The following NOMO1 variants were observed in gnomAD, a reference collection of about 807,000 sequenced individuals.
NOMO1 encodes the protein NODAL modulator 1, also known as nodal modulator 3.
In NOMO1, 40 loss-of-function variants were observed where a neutral mutation model predicts 133.8. That is an observed-to-expected ratio of 0.30 (90% confidence interval 0.23 to 0.39). The LOEUF (loss-of-function observed/expected upper bound fraction) is 0.39, where lower values mean the gene tolerates loss of function less well. Among genes scored for constraint, NOMO1 ranks in the 10% least tolerant of loss-of-function variants. The probability of loss-of-function intolerance (pLI) is 1.00; values close to 1 mark genes in which losing one functional copy is unlikely to be tolerated. For synonymous variants in NOMO1, 236 were observed against 570.5 expected (o/e 0.41, Z 8.36); for missense variants, 462 against 1,419.9 (o/e 0.33, Z 10.84).
intron 18 of NOMO1, among the ~76,000 whole-genome samples, chr16:14,874,231 A>C (rs1259317080): frequency 6.6e-6 from 1 of 151,788 alleles, no homozygotes; most frequent in Non-Finnish European, 1.5e-5. Context: ...TGAAAACTCC[A>C]GTGGCTCCAG....
intron 16 of NOMO1, among the ~76,000 whole-genome samples, chr16:14,870,409 T>C (rs2151004223): frequency 6.6e-6 from 1 of 151,686 alleles, no homozygotes; most frequent in Middle Eastern, 3.4e-3. Flanking sequence ...GCTACTTGTC[T>C]GTATTATTGG....
At position 14,875,064 on chromosome 16, in the gene NOMO1, G is replaced by T; in HGVS notation, c.2083G>T (p.Val695Phe). The change falls in exon 19 of 31, where the codon GTC becomes TTC. Residue 695 changes from valine (V) to phenylalanine (F), a missense_variant. Coordinates refer to ENST00000287667, the MANE Select transcript of NOMO1 (RefSeq NM_014287.4). Reference sequence around the variant, plus strand: ...TTCCATCGACAGTGAACCCGCCTTGGTCTTAGGCCCTCTGAAGTCTGTGCA... The same window carrying T: ...TTCCATCGACAGTGAACCCGCCTTGTTCTTAGGCCCTCTGAAGTCTGTGCA... Reference protein sequence around the residue: ...KSSIDSEPALVLGPLKSVQEL... With the variant: ...KSSIDSEPALFLGPLKSVQEL... 6.2e-7 allele frequency: 1 copy of T among 1,613,812 alleles called. No homozygotes were observed. The highest frequency in any genetic ancestry group is 1.1e-5 in the South Asian group (1 of 91,066).
chr16:14,859,596 A>C (rs60768782), intron 11 of NOMO1, among the ~76,000 whole-genome samples: 27 of 152,088 alleles, frequency 1.8e-4, no homozygotes, highest in South Asian at 6.2e-4. Flanking sequence ...GGGCGGATCG[A>C]TTGAGCCCAG....
At chr16:14,879,199 C>T (rs1964207148) in intron 23 of NOMO1, among the ~76,000 whole-genome samples, 1 of 151,706 alleles carries the variant, frequency 6.6e-6, no homozygotes. Flanking sequence ...AAAAGACATT[C>T]CACTTGGTGG....
chr16:14,887,248 T>G (rs1482857655), intron 28 of NOMO1, among the ~76,000 whole-genome samples: 1 of 152,014 alleles, frequency 6.6e-6, no homozygotes, highest in Non-Finnish European at 1.5e-5. Flanking sequence ...TAATCCGTGC[T>G]TTTCAATGAA....
chr16:14,857,195 C>A (rs769609754), intron 9 of NOMO1, 22 bp from the exon 10 acceptor site: 2 of 1,608,288 alleles, frequency 1.2e-6, no homozygotes, highest in Non-Finnish European at 1.7e-6. Context: ...CGAGCACCTT[C>A]TTCTTGTTCT....
chr16:14,891,405 C>T (rs1964403596), intron 29 of NOMO1, among the ~76,000 whole-genome samples: 2 of 151,708 alleles, frequency 1.3e-5, no homozygotes, highest in Non-Finnish European at 2.9e-5. Context: ...TATCTTTTCA[C>T]TTGGTTTCTG....
Position 14,864,675 on chromosome 16 carries a change from G to A in NOMO1, c.1486G>A (p.Val496Met). ...TGTGACCAACAGGCCCATGATGGAT[G>A]TGGCCTTTGTACAGTTCTTGGCATC... is the stretch of plus-strand genomic sequence containing the variant. ...LTVTNRPMMDVAFVQFLASVS... is the reference protein window; with the variant it reads ...LTVTNRPMMDMAFVQFLASVS... The change falls in exon 13 of 31, where the codon GTG (valine) becomes ATG (methionine). Residue 496 changes from valine (V) to methionine (M), a missense_variant. Physicochemically the swap from Val to Met is conservative, Grantham distance 21. Transcript: ENST00000287667. The A allele has an allele frequency of 1.2e-6, 2 of 1,613,072 alleles. 1 individual carries two copies. The highest frequency in any genetic ancestry group is 1.7e-6 in the Non-Finnish European group (2 of 1,179,696).
At chr16:14,845,633 C>A (rs564766480) in intron 4 of NOMO1, among the ~76,000 whole-genome samples, 1 of 151,848 alleles carries the variant, frequency 6.6e-6, no homozygotes, top group Non-Finnish European at 1.5e-5. Context: ...CCTGTGCCTG[C>A]GGTTGAGATG....
chr16:14,887,043 A>G (rs1036744951), intron 28 of NOMO1, among the ~76,000 whole-genome samples, 181 bp downstream of exon 28: 2 of 152,118 alleles, frequency 1.3e-5, no homozygotes, highest in Non-Finnish European at 2.9e-5. Context: ...TCTGTTTACA[A>G]AAAGAATACA....
At chr16:14,845,719 T>C (rs1963670176) in intron 4 of NOMO1, among the ~76,000 whole-genome samples, 2 of 151,886 alleles carry the variant, frequency 1.3e-5, no homozygotes, top group South Asian at 4.2e-4. Context: ...GGGAGGCCCT[T>C]CCATCCCAGC....
At chr16:14,887,832 G>GA (rs1034094842) in intron 28 of NOMO1, among the ~76,000 whole-genome samples, 4 of 151,784 alleles carry the variant, frequency 2.6e-5, no homozygotes, top group African/African-American at 9.7e-5. Flanking sequence ...CATGATGGGG[G>GA]ATCCCTTGAA....
At chr16:14,877,633 C>T (rs1166663691) in intron 22 of NOMO1, among the ~76,000 whole-genome samples, 1 of 151,928 alleles carries the variant, frequency 6.6e-6, no homozygotes, top group Non-Finnish European at 1.5e-5. Flanking sequence ...ATGCAAGTAA[C>T]GCAGGTGACT....
intron 11 of NOMO1, among the ~76,000 whole-genome samples, chr16:14,860,677 C>T (rs912270489): frequency 6.6e-6 from 1 of 151,820 alleles, no homozygotes; most frequent in African/African-American, 2.4e-5. Context: ...TAGATGGAGG[C>T]GGCGCTGTTC....
intron 1 of NOMO1, among the ~76,000 whole-genome samples, chr16:14,836,150 G>A (rs1963504512): frequency 6.6e-6 from 1 of 152,076 alleles, no homozygotes; most frequent in Admixed American, 6.6e-5. Flanking sequence ...AATCCTTTTG[G>A]ATGAATGTCC....
In NOMO1 at chr16:14,863,070, GAATAAAT is replaced by G. The variant is rs1963943520; in HGVS notation, c.1280_1286del (p.Asn427ThrfsTer38). The G allele has an allele frequency of 6.2e-7, 1 of 1,610,656 alleles. No homozygotes were observed. Among genetic ancestry groups the G allele is most frequent in the South Asian group, 1.1e-5 (1 of 90,908 alleles). On this transcript the variant is annotated frameshift_variant, in exon 12 of 31. Transcript: ENST00000287667. LOFTEE classifies it high-confidence loss of function. ...GCTTCCCCGACACCGTCAAGCAGATGAATAAATACAAAGTTGTCCTGTCATCTCAAGA... is the reference window on the plus strand; with the variant it reads ...GCTTCCCCGACACCGTCAAGCAGATGACAAAGTTGTCCTGTCATCTCAAGA...
chr16:14,875,522 T>C (rs1283024372), intron 20 of NOMO1, 100 bp downstream of exon 20: 1 of 704,016 alleles, frequency 1.4e-6, no homozygotes, highest in Non-Finnish European at 2.4e-6. Flanking sequence ...GAAGCCATCT[T>C]TGTAAGCCAC....
At position 14,878,780 on chromosome 16, in the gene NOMO1, G is replaced by A. The variant is rs754186319; in HGVS notation, c.2703G>A (p.Leu901=). The A allele has an allele frequency of 6.2e-7, 1 of 1,611,854 alleles. No homozygotes were observed. Among genetic ancestry groups the A allele is most frequent in the Admixed American group, 1.7e-5 (1 of 60,010 alleles). ...TCCTCTTATCCCTGAGCGGTGGCCTGTTTCGTTCCAACCTCTTGACCCAGG... is the reference window on the plus strand; with the variant it reads ...TCCTCTTATCCCTGAGCGGTGGCCTATTTCGTTCCAACCTCTTGACCCAGG... ...PGVLLSLSGG[L]FRSNLLTQDN... is the part of the protein sequence containing the mutation. Residue 901 remains leucine (L), a synonymous_variant, in exon 23 of 31, where the codon CTG becomes CTA. Transcript: ENST00000287667.
intron 15 of NOMO1, among the ~76,000 whole-genome samples, chr16:14,866,953 C>T (rs1458000240): frequency 1.0e-4 from 15 of 147,828 alleles, no homozygotes; most frequent in East Asian, 3.9e-4. Flanking sequence ...TGGTACAGTG[C>T]AGAGCACACT....
Sources: allele counts gnomAD v4.1 joint callset (sites outside exome capture counted in the v4.1 genomes callset), GRCh38; gene constraint gnomAD v4.1.1; transcripts MANE v1.5; gene names NCBI Gene and HGNC (gene_info 2026-07-23, HGNC 2026-07-21).